The following PPM1H variants were observed in gnomAD, a reference collection of about 807,000 sequenced individuals.
The protein encoded by PPM1H is protein phosphatase 1H.
PPM1H carries 27 observed loss-of-function variants against 54.9 expected under a neutral mutation model. The ratio of observed to expected loss-of-function variants is 0.49; its 90% CI spans 0.36 to 0.68. PPM1H has a LOEUF of 0.68. Ranked by LOEUF, PPM1H falls within the 30% of genes least tolerant of loss-of-function variation. PPM1H has a pLI of 0.00. For synonymous variants in PPM1H, 305 were observed against 270.8 expected, an observed-to-expected ratio of 1.13 and a Z score of -1.24; for missense variants, 596 against 667.8, an observed-to-expected ratio of 0.89 and a Z score of 1.19.
Position 62,710,571 on chromosome 12 carries a change from A to C in PPM1H, c.1073+9600T>G, listed in dbSNP as rs916000821. Among the ~76,000 whole-genome samples the C allele has an allele frequency of 4.0e-5, 6 of 151,740 alleles. 1 individual carries two copies. Among genetic ancestry groups the C allele is most frequent in the African/African-American group, 9.7e-5 (4 of 41,262 alleles). On this transcript the variant is annotated intron_variant, in intron 6 of 9. Transcript: ENST00000228705. ...AAAAAAAAAAGTCCCCAAACCAAAA[A>C]ACATCCTATCAAATAGTGCCTGGGA...
intron 2 of PPM1H, among the ~76,000 whole-genome samples, chr12:62,816,594 C>G (rs1378851705): frequency 6.6e-6 from 1 of 152,168 alleles, no homozygotes; most frequent in Non-Finnish European, 1.5e-5. Context: ...CTGAAAAAAT[C>G]TGAAATCCAA....
In PPM1H at chr12:62,904,580, C is replaced by T. The variant is rs186385447; in HGVS notation, c.245+29912G>A. ...CGAAGAAACTGACCAGTAGACAGAACGGTGCCATATGTTTTGTTATGAGAT... is the reference window on the plus strand; with the variant it reads ...CGAAGAAACTGACCAGTAGACAGAATGGTGCCATATGTTTTGTTATGAGAT... On this transcript the variant is annotated intron_variant, in intron 1 of 9. Coordinates refer to ENST00000228705, the MANE Select transcript of PPM1H (RefSeq NM_020700.2). 2.1e-3 allele frequency among the ~76,000 whole-genome samples: 314 copies of T among 152,234 alleles called. 2 individuals carry two copies. Among genetic ancestry groups the T allele is most frequent in the African/African-American group, 7.2e-3 (300 of 41,532 alleles).
intron 4 of PPM1H, among the ~76,000 whole-genome samples, chr12:62,757,061 A>G (rs1021036122): frequency 6.6e-6 from 1 of 152,164 alleles, no homozygotes; most frequent in African/African-American, 2.4e-5. Flanking sequence ...CCCAATGATG[A>G]GACTCTGCAG....
chr12:62,743,517 A>G lies in PPM1H; in HGVS notation c.870-5931T>C, dbSNP rs544224643. ...TGTTATATTTTGGAGTTAAAAACAC[A>G]TATCTTTATTCCCCTAGTCTAAATA... On this transcript the variant is annotated intron_variant, in intron 4 of 9. Transcript: ENST00000228705. Among the ~76,000 whole-genome samples the G allele has an allele frequency of 4.6e-5, 7 of 152,318 alleles. No individual in the cohort carries two copies. In the South Asian group the frequency reaches 1.2e-3, roughly 27 times the overall value.
intron 9 of PPM1H, among the ~76,000 whole-genome samples, chr12:62,666,260 T>C (rs781331753): frequency 6.6e-6 from 1 of 152,172 alleles, no homozygotes; most frequent in Non-Finnish European, 1.5e-5. Flanking sequence ...TTTATATTTT[T>C]GACTGCTAAA....
chr12:62,903,787 T>C (rs1420471429), intron 1 of PPM1H, among the ~76,000 whole-genome samples: 1 of 152,200 alleles, frequency 6.6e-6, no homozygotes, highest in African/African-American at 2.4e-5. Flanking sequence ...TGTTATTCAA[T>C]AACTAGGTTA....
At chr12:62,705,884 A>G (rs2076170547) in intron 6 of PPM1H, among the ~76,000 whole-genome samples, 1 of 152,252 alleles carries the variant, frequency 6.6e-6, no homozygotes, top group South Asian at 2.1e-4. Context: ...CCCCATAGCT[A>G]CAAATGGTGG....
chr12:62,925,254 T>C (rs956795887), intron 1 of PPM1H, among the ~76,000 whole-genome samples: 3 of 152,152 alleles, frequency 2.0e-5, no homozygotes, highest in African/African-American at 2.4e-5. Context: ...CCTACCTGCC[T>C]AGACAAATGA....
At chr12:62,900,638 C>T (rs781042590) in intron 1 of PPM1H, among the ~76,000 whole-genome samples, 2 of 151,202 alleles carry the variant, frequency 1.3e-5, no homozygotes, top group Non-Finnish European at 2.9e-5. Flanking sequence ...GAAACGAATG[C>T]GGGTGGAGGA....
At chr12:62,785,861 GAAAA>G (rs35904349) in intron 4 of PPM1H, among the ~76,000 whole-genome samples, 7 of 129,442 alleles carry the variant, frequency 5.4e-5, no homozygotes, top group Non-Finnish European at 8.5e-5. Flanking sequence ...TAAAAATGAG[GAAAA>G]AAAAAAAAAA....
chr12:62,858,796 C>T (rs1869490938), intron 1 of PPM1H, among the ~76,000 whole-genome samples: 12 of 152,306 alleles, frequency 7.9e-5, no homozygotes. Context: ...AGCTATAACA[C>T]CTTTATAATT....
At chr12:62,864,078 G>A (rs777670543) in intron 1 of PPM1H, among the ~76,000 whole-genome samples, 9 of 152,226 alleles carry the variant, frequency 5.9e-5, no homozygotes, top group Non-Finnish European at 1.2e-4. Context: ...AGACAGTTTG[G>A]TTGCAGCAGC....
intron 2 of PPM1H, among the ~76,000 whole-genome samples, chr12:62,827,558 G>A (rs61922299): frequency 0.064 from 9,752 of 152,162 alleles, 417 homozygotes; most frequent in African/African-American, 0.12. Context: ...TTATTATGGT[G>A]TATGATGACC....
At chr12:62,815,621 A>G (rs2076861952) in intron 2 of PPM1H, among the ~76,000 whole-genome samples, 1 of 152,234 alleles carries the variant, frequency 6.6e-6, no homozygotes, top group South Asian at 2.1e-4. Context: ...CAACAACAAC[A>G]ATAGATAATA....
chr12:62,665,759 C>A (rs753189423), intron 9 of PPM1H, among the ~76,000 whole-genome samples: 2 of 151,998 alleles, frequency 1.3e-5, no homozygotes, highest in Non-Finnish European at 1.5e-5. Context: ...TGTTTTGAGA[C>A]GGAGTCTTGC....
In PPM1H at chr12:62,737,231, AAC is replaced by A. The variant is rs1491012360; in HGVS notation, c.954+269_954+270del. On this transcript the variant is annotated intron_variant, in intron 5 of 9. Coordinates refer to ENST00000228705, the MANE Select transcript of PPM1H (RefSeq NM_020700.2). ...TAAGAAGCCATTAAAAAAAAAAAAA[AAC>A]AAAAAAAACAAAACCAGAGCACACC... Among the ~76,000 whole-genome samples, 663 of 151,022 alleles carry A rather than the reference AAC, an allele frequency of 4.4e-3. 4 individuals carry two copies. Among genetic ancestry groups the A allele is most frequent in the African/African-American group, 0.016 (642 of 40,904 alleles).
At chr12:62,734,899 T>C (rs2076342523) in intron 5 of PPM1H, among the ~76,000 whole-genome samples, 2 of 151,982 alleles carry the variant, frequency 1.3e-5, no homozygotes, top group Admixed American at 1.3e-4. Context: ...AAAAAATAAT[T>C]AGCCAGGCAC....
intron 3 of PPM1H, among the ~76,000 whole-genome samples, chr12:62,794,120 A>G (rs952842034): frequency 7.9e-5 from 12 of 152,190 alleles, no homozygotes; most frequent in Non-Finnish European, 1.3e-4. Context: ...CAGCCAGGCA[A>G]TGGGGAAGAA....
At chr12:62,845,974 T>G (rs1184679780) in intron 1 of PPM1H, among the ~76,000 whole-genome samples, 1 of 152,130 alleles carries the variant, frequency 6.6e-6, no homozygotes, top group Middle Eastern at 3.2e-3. Flanking sequence ...ACATCTAGCT[T>G]CTCAGCCTGC....
Sources: gnomAD v4.1 joint callset for allele counts (sites outside exome capture counted in the v4.1 genomes callset) on GRCh38, gnomAD v4.1.1 for gene constraint, MANE v1.5 for transcripts, NCBI Gene and HGNC (gene_info 2026-07-23, HGNC 2026-07-21) for gene names.